The following PRRC2C variants were observed in gnomAD, a reference collection of about 807,000 sequenced individuals.
PRRC2C encodes the protein proline rich coiled-coil 2C.
A neutral mutation model predicts 317.2 loss-of-function variants in PRRC2C; 72 were observed. The ratio of observed to expected loss-of-function variants is 0.23; its 90% CI spans 0.19 to 0.28. The LOEUF (loss-of-function observed/expected upper bound fraction) is 0.28. Ranked by LOEUF, PRRC2C falls within the 10% of genes least tolerant of loss-of-function variation. The probability of loss-of-function intolerance (pLI) is 1.00; values close to 1 mark genes in which losing one functional copy is unlikely to be tolerated. For missense variants in PRRC2C, 3,074 were observed against 3,459.7 expected (o/e 0.89, Z 2.80); for synonymous variants, 1,296 against 1,205.9 (o/e 1.07, Z -1.55).
chr1:171,542,873 G>T (rs1052488663), intron 16 of PRRC2C, among the ~76,000 whole-genome samples: 3 of 151,914 alleles, frequency 2.0e-5, no homozygotes, highest in Admixed American at 6.6e-5. Context: ...CCATTCTCCT[G>T]CCTCAGCCTC....
chr1:171,486,393 C>T (rs1022165856), intron 1 of PRRC2C, among the ~76,000 whole-genome samples: 5 of 152,062 alleles, frequency 3.3e-5, no homozygotes, highest in African/African-American at 7.2e-5. Context: ...CGTGGTGAAT[C>T]TCGGTAGCTC....
intron 28 of PRRC2C, among the ~76,000 whole-genome samples, chr1:171,580,552 A>G (rs77597635): frequency 0.038 from 5,745 of 152,342 alleles, 340 homozygotes; most frequent in African/African-American, 0.13. Context: ...AGCCTTTCAC[A>G]TACATTAACT....
chr1:171,583,311 A>AT (rs1007528468), intron 28 of PRRC2C, among the ~76,000 whole-genome samples: 15 of 151,006 alleles, frequency 9.9e-5, no homozygotes, highest in South Asian at 4.2e-4. Flanking sequence ...TAATTTTTTA[A>AT]TTTTTTTTTA....
Position 171,541,347 on chromosome 1 carries a change from G to A in PRRC2C, c.3881G>A (p.Arg1294Gln), listed in dbSNP as rs756514757. ...SKGKLPKREE[R>Q]PENKKPVKPH... is the part of the protein sequence containing the mutation. ...GGCAAACTTCCCAAAAGAGAGGAAC[G>A]GCCTGAAAACAAAAAACCTGTAAAG... is the stretch of plus-strand genomic sequence containing the variant. The change falls in exon 16 of 35, where the codon CGG (arginine) becomes CAG (glutamine). Residue 1294 changes from arginine to glutamine, a missense_variant. Physicochemically the swap from Arg to Gln is conservative, Grantham distance 43 (BLOSUM62 1). Coordinates refer to ENST00000647382, the MANE Select transcript of PRRC2C (RefSeq NM_001387844.1). This position sits in a 1 kb window ranked among gnomAD's most constrained non-coding sequence, Gnocchi z 4.1. 26 of 1,611,822 alleles carry A rather than the reference G, an allele frequency of 1.6e-5. No homozygotes were observed. The East Asian group carries it at 2.0e-4, about 12-fold the overall frequency.
chr1:171,566,216 A>G lies in PRRC2C; in HGVS notation c.6118-17A>G. 6.3e-7 allele frequency: 1 copy of G among 1,593,100 alleles called. No individual in the cohort carries two copies. The highest frequency in any genetic ancestry group is 8.6e-7 in the Non-Finnish European group (1 of 1,168,820). ...AACTATACTTTGCAAGCAAGTTTTA[A>G]AATATTCTTTTACTAGGGAGCGAAG... On this transcript the variant is annotated splice_polypyrimidine_tract_variant and intron_variant, in intron 20 of 34. Transcript: ENST00000647382.
rs943586745 is a variant in PRRC2C, at chr1:171,589,436, C to A, written c.8267C>A (p.Pro2756His). 1.6e-6 allele frequency: 2 copies of A among 1,289,574 alleles called. No homozygotes were observed. The highest frequency in any genetic ancestry group is 3.0e-5 in the African/African-American group (2 of 65,816). The allele number at this position is 1,289,574 out of a possible 1,614,324, so 79.9% of individuals were successfully genotyped here. A position where few individuals can be genotyped will look rare whatever the true frequency, so the allele number is the denominator to read the frequency against. Residue 2756 changes from proline to histidine, a missense_variant, in exon 34 of 35, where the codon CCT (proline) becomes CAT (histidine). By Grantham distance (77) the Pro-to-His change is moderately conservative (BLOSUM62 -2). This residue lies in a region of PRRC2C where 490 missense variants were observed against 663.1 expected (regional missense o/e 0.74). Coordinates refer to ENST00000647382, the MANE Select transcript of PRRC2C (RefSeq NM_001387844.1). ...CCACATACTAACACCTTCCCAGCGC[C>A]TGTTCAGAGGCCACCAATGGCACTG... ...RAPHTNTFPA[P>H]VQRPPMALAS...
In PRRC2C at chr1:171,592,385, T is replaced by C. The variant is rs1651610388; in HGVS notation, c.*538T>C. On this transcript the variant is annotated 3_prime_UTR_variant, in exon 35 of 35. Transcript: ENST00000647382. ...TTATTATGGCAGCTTGCTATTTTTATAACATGGTGATTGAGTTGAACACAA... is the reference window on the plus strand; with the variant it reads ...TTATTATGGCAGCTTGCTATTTTTACAACATGGTGATTGAGTTGAACACAA... The C allele has an allele frequency of 6.6e-6, 1 of 152,654 alleles. No individual in the cohort carries two copies. Among genetic ancestry groups the C allele is most frequent in the Admixed American group, 6.5e-5 (1 of 15,326 alleles). 9.5% of individuals were successfully genotyped at this position (152,654 alleles called of 1,614,324 possible).
chr1:171,581,718 C>A (rs568029247), intron 28 of PRRC2C, among the ~76,000 whole-genome samples: 3 of 152,170 alleles, frequency 2.0e-5, no homozygotes, highest in African/African-American at 7.2e-5. Flanking sequence ...TGTTTTCTTA[C>A]CTCGTGTTTG....
intron 1 of PRRC2C, among the ~76,000 whole-genome samples, chr1:171,497,452 C>T (rs983477248): frequency 3.3e-5 from 5 of 152,072 alleles, no homozygotes; most frequent in Admixed American, 2.0e-4. Flanking sequence ...TAGTCCTAAT[C>T]TGGTTTTTAT....
At chr1:171,587,987 T>C (rs1650438052) in intron 32 of PRRC2C, among the ~76,000 whole-genome samples, 1 of 152,196 alleles carries the variant, frequency 6.6e-6, no homozygotes, top group South Asian at 2.1e-4. Context: ...CTTTTATTTT[T>C]TTTGAGACAG....
At chr1:171,586,062 G>GTTTTTTT (rs78928878) in intron 30 of PRRC2C, among the ~76,000 whole-genome samples, 21 of 43,496 alleles carry the variant, frequency 4.8e-4, no homozygotes, top group East Asian at 1.1e-3. Context: ...GTCAGGTGTT[G>GTTTTTTT]ATTTTTTTTT....
intron 6 of PRRC2C, among the ~76,000 whole-genome samples, chr1:171,518,387 A>G (rs1014971941): frequency 6.6e-6 from 1 of 151,096 alleles, no homozygotes; most frequent in Non-Finnish European, 1.5e-5. Flanking sequence ...TCAGACTGCC[A>G]AAGGGGTGGT....
chr1:171,549,953 A>G, intron 17 of PRRC2C, 133 bp from the exon 18 acceptor site: 1 of 581,140 alleles, frequency 1.7e-6, no homozygotes, highest in East Asian at 3.0e-5. Context: ...GAAATAGGTT[A>G]TACACTATAA....
At chr1:171,535,018 A>C (rs1676557946) in intron 12 of PRRC2C, among the ~76,000 whole-genome samples, 1 of 152,202 alleles carries the variant, frequency 6.6e-6, no homozygotes, top group African/African-American at 2.4e-5. Flanking sequence ...TAAATAAACC[A>C]ACATGCTCTC....
chr1:171,572,296 G>A (rs1684908783), intron 24 of PRRC2C, among the ~76,000 whole-genome samples: 1 of 152,122 alleles, frequency 6.6e-6, no homozygotes, highest in South Asian at 2.1e-4. Flanking sequence ...GCCAAGGGAA[G>A]ATTTTTTTTA....
At chr1:171,496,061 A>G (rs1479267945) in intron 1 of PRRC2C, among the ~76,000 whole-genome samples, 14 of 151,854 alleles carry the variant, frequency 9.2e-5, no homozygotes, top group Admixed American at 9.2e-4. Context: ...ATCTAAATCT[A>G]ATTACCTCAC....
rs1677727779 is a variant in PRRC2C, at chr1:171,540,277, A to G, written c.2811A>G (p.Pro937=). The G allele has an allele frequency of 2.7e-5, 43 of 1,613,782 alleles. No individual in the cohort carries two copies. The highest frequency in any genetic ancestry group is 3.5e-5 in the Non-Finnish European group (41 of 1,179,898). The part of the protein sequence containing the change: ...VSHGSNHTQK[P]DEQRSEPSAG... ...ATGGATCTAACCATACGCAAAAACC[A>G]GACGAGCAGAGAAGTGAACCATCTG... is the stretch of plus-strand genomic sequence containing the variant. Residue 937 remains proline (P), a synonymous_variant, in exon 16 of 35, where the codon CCA becomes CCG. Transcript: ENST00000647382.
chr1:171,542,306 C>T (rs1405423486), intron 16 of PRRC2C, 77 bp downstream of exon 16: 5 of 1,245,620 alleles, frequency 4.0e-6, no homozygotes, highest in South Asian at 1.6e-5. Flanking sequence ...TTGAATTATG[C>T]AAAGAGCCAG....
chr1:171,583,081 G>A (rs1649060982), intron 28 of PRRC2C, among the ~76,000 whole-genome samples: 1 of 151,926 alleles, frequency 6.6e-6, no homozygotes, highest in African/African-American at 2.4e-5. Context: ...TCAAGCCATT[G>A]TCCAGCCTCA....
Sources: allele counts gnomAD v4.1 joint callset (sites outside exome capture counted in the v4.1 genomes callset), GRCh38; gene constraint gnomAD v4.1.1; regional missense constraint gnomAD v4.1.1; non-coding constraint Gnocchi (gnomAD v3.1); transcripts MANE v1.5; gene names NCBI Gene and HGNC (gene_info 2026-07-23, HGNC 2026-07-21).